CACNA2D3: variants seen among roughly 807,000 people sequenced by gnomAD.
The protein encoded by CACNA2D3 is voltage-dependent calcium channel subunit alpha-2/delta-3.
Under a neutral mutation model 160.6 loss-of-function variants are expected in CACNA2D3, and 60 were observed. The ratio of observed to expected loss-of-function variants is 0.37; its 90% CI spans 0.30 to 0.46. The LOEUF is 0.46. Ranked by LOEUF, CACNA2D3 falls within the 20% of genes least tolerant of loss-of-function variation. The probability of loss-of-function intolerance (pLI) is 1.00; values close to 1 mark genes in which losing one functional copy is unlikely to be tolerated. For synonymous variants in CACNA2D3, 558 were observed against 492.9 expected (o/e 1.13, Z -1.75); for missense variants, 1,205 against 1,365.0 (o/e 0.88, Z 1.85).
chr3:54,944,771 A>G (rs922741849), intron 27 of CACNA2D3, among the ~76,000 whole-genome samples: 6 of 151,442 alleles, frequency 4.0e-5, no homozygotes, highest in African/African-American at 1.5e-4. Flanking sequence ...AGACACAATA[A>G]CTTCTTTTAT....
Position 54,887,954 on chromosome 3 carries a change from A to C in CACNA2D3, c.2057-5A>C, listed in dbSNP as rs781460001. On this transcript the variant is annotated splice_region_variant and splice_polypyrimidine_tract_variant and intron_variant, in intron 23 of 37. Coordinates refer to ENST00000474759, the MANE Select transcript of CACNA2D3 (RefSeq NM_018398.3). ...AAGCATCCTCTTGTCTGTCCCTCCCAACAGGTGATAAAGAATTGATCCAAG... is the reference window on the plus strand; with the variant it reads ...AAGCATCCTCTTGTCTGTCCCTCCCCACAGGTGATAAAGAATTGATCCAAG... The C allele has an allele frequency of 1.5e-5, 24 of 1,613,016 alleles. No individual in the cohort carries two copies. The highest frequency in any genetic ancestry group is 2.5e-6 in the Non-Finnish European group (3 of 1,179,136).
intron 11 of CACNA2D3, among the ~76,000 whole-genome samples, chr3:54,672,193 G>A (rs615219): frequency 1 from 152,334 of 152,338 alleles, 76,165 homozygotes; most frequent in Non-Finnish European, 1. Flanking sequence ...TGGTTGAGCC[G>A]TAACAGGTAA....
chr3:54,995,997 C>T (rs528680603), intron 31 of CACNA2D3, among the ~76,000 whole-genome samples: 1 of 152,182 alleles, frequency 6.6e-6, no homozygotes, highest in Non-Finnish European at 1.5e-5. Context: ...CGTGTGCCTG[C>T]CTGACCCCAG....
intron 2 of CACNA2D3, among the ~76,000 whole-genome samples, chr3:54,195,735 G>A (rs11717243): frequency 0.081 from 12,392 of 152,150 alleles, 673 homozygotes; most frequent in East Asian, 0.19. Context: ...GGTTTTCACA[G>A]GTTTGGTGGA....
intron 13 of CACNA2D3, among the ~76,000 whole-genome samples, chr3:54,767,387 G>C (rs1003242208): frequency 1.3e-5 from 2 of 152,148 alleles, no homozygotes; most frequent in African/African-American, 4.8e-5. Flanking sequence ...ACTCCATTTG[G>C]TGTCATTTGT....
intron 5 of CACNA2D3, among the ~76,000 whole-genome samples, chr3:54,539,832 A>G (rs913310482): frequency 1.3e-5 from 2 of 152,182 alleles, no homozygotes; most frequent in South Asian, 4.1e-4. Context: ...GTCAGAAAGT[A>G]TTCTCTGCGC....
chr3:54,367,611 C>CA (rs1159622627), intron 3 of CACNA2D3: 8 of 372,826 alleles, frequency 2.1e-5, no homozygotes, highest in African/African-American at 1.5e-4. Flanking sequence ...CACAGCCTTA[C>CA]AGGGGCTTGA....
intron 2 of CACNA2D3, among the ~76,000 whole-genome samples, chr3:54,264,967 C>T (rs1367994689): frequency 1.3e-5 from 2 of 152,178 alleles, no homozygotes; most frequent in Non-Finnish European, 2.9e-5. Flanking sequence ...GCCACATTTT[C>T]TTTATCCAGT....
chr3:54,293,542 T>C (rs1281660123), intron 2 of CACNA2D3, among the ~76,000 whole-genome samples: 1 of 148,670 alleles, frequency 6.7e-6, no homozygotes, highest in African/African-American at 2.5e-5. Context: ...TCATTCCTTT[T>C]CATGACTGAG....
intron 4 of CACNA2D3, among the ~76,000 whole-genome samples, chr3:54,408,211 A>G (rs1699608694): frequency 6.6e-6 from 1 of 152,196 alleles, no homozygotes; most frequent in South Asian, 2.1e-4. Flanking sequence ...GACCTCACCT[A>G]GTTTGGGAGT....
intron 25 of CACNA2D3, chr3:54,896,530 A>G (rs1700192479): frequency 1.9e-6 from 1 of 530,134 alleles, no homozygotes; most frequent in South Asian, 2.5e-5. Flanking sequence ...AGGAAAAATC[A>G]TTTTACCCAC....
intron 11 of CACNA2D3, among the ~76,000 whole-genome samples, chr3:54,645,843 G>GAGAGC (rs1296057927): frequency 6.6e-6 from 1 of 152,124 alleles, no homozygotes; most frequent in African/African-American, 2.4e-5. Flanking sequence ...GTGAGTCCAA[G>GAGAGC]AGAGCAGGTT....
rs3060363 is a variant in CACNA2D3 at position 54,149,267 on chromosome 3, G to GCACACACACACACACA, written c.204+25690_204+25705dup. On this transcript the variant is annotated intron_variant, in intron 2 of 37. Transcript: ENST00000474759. ...ATCACTACAGCAAGGGGTCCCATGTGCACACACACACACACACACACACAC... is the reference window on the plus strand; with the variant it reads ...ATCACTACAGCAAGGGGTCCCATGTGCACACACACACACACACACACACACACACACACACACACAC... Among the ~76,000 whole-genome samples, 364 of 144,430 alleles carry GCACACACACACACACA rather than the reference G, an allele frequency of 2.5e-3. 2 individuals are homozygous for GCACACACACACACACA. Among genetic ancestry groups the GCACACACACACACACA allele is most frequent in the Middle Eastern group, 6.9e-3 (2 of 288 alleles). The allele number at this position is 144,430 out of a possible 152,430, so 94.8% of individuals were successfully genotyped here.
At chr3:54,876,551 A>G (rs1029630884) in intron 18 of CACNA2D3, among the ~76,000 whole-genome samples, 1 of 152,230 alleles carries the variant, frequency 6.6e-6, no homozygotes, top group African/African-American at 2.4e-5. Context: ...TTAAAAACTC[A>G]GAAATAATAT....
At chr3:54,734,738 G>C (rs1038336363) in intron 11 of CACNA2D3, among the ~76,000 whole-genome samples, 2 of 152,140 alleles carry the variant, frequency 1.3e-5, no homozygotes, top group African/African-American at 2.4e-5. Context: ...GTAATCCTTT[G>C]GAAATGCCTG....
At chr3:55,018,128 G>T (rs1444594851) in intron 34 of CACNA2D3, 78 bp from the exon 35 acceptor site, 8 of 798,012 alleles carry the variant, frequency 1.0e-5, no homozygotes. Context: ...TGTGTTCTGG[G>T]TTGCTGTGGG....
At chr3:54,604,117 A>G (rs1251567760) in intron 9 of CACNA2D3, among the ~76,000 whole-genome samples, 1 of 152,182 alleles carries the variant, frequency 6.6e-6, no homozygotes, top group Non-Finnish European at 1.5e-5. Context: ...TCCTTAGGAT[A>G]TGGGCCTGAA....
intron 2 of CACNA2D3, among the ~76,000 whole-genome samples, chr3:54,148,994 AAAT>A (rs1319706963): frequency 4.0e-5 from 6 of 151,300 alleles, no homozygotes; most frequent in African/African-American, 1.5e-4. Flanking sequence ...AAAAAAAAAA[AAAT>A]AGACAACTCA....
chr3:54,174,100 A>G (rs1290016223), intron 2 of CACNA2D3, among the ~76,000 whole-genome samples: 2 of 152,228 alleles, frequency 1.3e-5, no homozygotes, highest in African/African-American at 2.4e-5. Context: ...GTAGCACGAC[A>G]GCAGCCAGAG....
Sources: gnomAD v4.1 joint callset for allele counts (sites outside exome capture counted in the v4.1 genomes callset) on GRCh38, gnomAD v4.1.1 for gene constraint, MANE v1.5 for transcripts, NCBI Gene and HGNC (gene_info 2026-07-23, HGNC 2026-07-21) for gene names.